The following IGFL2 variants were observed in gnomAD, a reference collection of about 807,000 sequenced individuals.
IGFL2 encodes IGF like family member 2.
IGFL2 carries 7 observed loss-of-function variants against 13.9 expected under a neutral mutation model. That is an observed-to-expected ratio of 0.51 (90% CI 0.29 to 0.95). IGFL2 has a LOEUF of 0.95. Ranked by LOEUF, IGFL2 falls within the 40% of genes least tolerant of loss-of-function variation. The probability of loss-of-function intolerance (pLI) is 0.08; values close to 1 mark genes in which losing one functional copy is unlikely to be tolerated. For synonymous variants in IGFL2, 55 were observed against 55.8 expected (o/e 0.99, Z 0.07); for missense variants, 138 against 147.8 (o/e 0.93, Z 0.34).
At chr19:46,121,416 GAA>G in the IGFL2 span, among the ~76,000 whole-genome samples, 12 of 143,060 alleles carry the variant, frequency 8.4e-5, no homozygotes, top group Non-Finnish European at 1.8e-4. Context: ...AAAAGAAGAA[GAA>G]AAGAAAATTT....
chr19:46,172,306 G>T, the IGFL2 span, among the ~76,000 whole-genome samples: 1 of 152,164 alleles, frequency 6.6e-6, no homozygotes, highest in Non-Finnish European at 1.5e-5. Context: ...CATTCTGTGG[G>T]ATGCCTCTTA....
the IGFL2 span, among the ~76,000 whole-genome samples, chr19:46,089,578 T>A: frequency 6.6e-6 from 1 of 152,020 alleles, no homozygotes; most frequent in East Asian, 1.9e-4. Flanking sequence ...CCAGCACTTG[T>A]TTGTCTGAGC....
chr19:46,117,593 G>A, the IGFL2 span, among the ~76,000 whole-genome samples: 12 of 152,030 alleles, frequency 7.9e-5, no homozygotes, highest in African/African-American at 2.7e-4. Flanking sequence ...ATCCTCCCAC[G>A]TCAGCCTCTC....
chr19:46,134,223 A>T, the IGFL2 span, among the ~76,000 whole-genome samples: 1 of 152,154 alleles, frequency 6.6e-6, no homozygotes, highest in Non-Finnish European at 1.5e-5. Context: ...GGATTCTTTA[A>T]GTAAAAGGAC....
the IGFL2 span, among the ~76,000 whole-genome samples, chr19:46,079,874 A>G: frequency 4.6e-5 from 7 of 152,146 alleles, no homozygotes; most frequent in South Asian, 2.1e-4. Flanking sequence ...TCAATTTTAG[A>G]TCACTACAAT....
chr19:46,124,076 A>G, the IGFL2 span: 1 of 1,611,520 alleles, frequency 6.2e-7, no homozygotes. Context: ...TCATAACAGC[A>G]CTGCTCTGAA....
the IGFL2 span, among the ~76,000 whole-genome samples, chr19:46,094,553 A>G: frequency 3.3e-5 from 5 of 151,056 alleles, no homozygotes; most frequent in African/African-American, 4.9e-5. Flanking sequence ...GTTCTGGGAT[A>G]CATGTTCAGG....
chr19:46,082,617 A>G, the IGFL2 span, among the ~76,000 whole-genome samples: 1 of 151,786 alleles, frequency 6.6e-6, no homozygotes, highest in Non-Finnish European at 1.5e-5. Context: ...CTGAACTGTT[A>G]ACTGTGTCTC....
At chr19:46,090,634 G>C in the IGFL2 span, among the ~76,000 whole-genome samples, 1 of 152,188 alleles carries the variant, frequency 6.6e-6, no homozygotes, top group East Asian at 1.9e-4. Context: ...CACGTTGCCC[G>C]GCTGGAATCT....
the IGFL2 span, among the ~76,000 whole-genome samples, chr19:46,119,335 T>C: frequency 6.6e-6 from 1 of 152,144 alleles, no homozygotes; most frequent in Non-Finnish European, 1.5e-5. Flanking sequence ...TGAGCTGTTC[T>C]ACCACTGCTA....
At chr19:46,090,164 C>T in the IGFL2 span, among the ~76,000 whole-genome samples, 2 of 151,732 alleles carry the variant, frequency 1.3e-5, no homozygotes, top group African/African-American at 4.8e-5. Flanking sequence ...AAATTTTGTT[C>T]ATTGTATTTT....
the IGFL2 span, among the ~76,000 whole-genome samples, chr19:46,128,774 A>T: frequency 2.2e-4 from 34 of 152,172 alleles, no homozygotes; most frequent in African/African-American, 4.3e-4. Context: ...TTTTGCATTG[A>T]TGTTCATCAA....
chr19:46,079,941 C>T, the IGFL2 span, among the ~76,000 whole-genome samples: 1 of 152,262 alleles, frequency 6.6e-6, no homozygotes, highest in African/African-American at 2.4e-5. Flanking sequence ...GAGCCCTAAA[C>T]ACAGTAGATT....
At chr19:46,176,945 G>A in the IGFL2 span, among the ~76,000 whole-genome samples, 1 of 152,212 alleles carries the variant, frequency 6.6e-6, no homozygotes. Context: ...GAGAAGAAAA[G>A]GGGAGTCCAA....
chr19:46,121,298 C>T, the IGFL2 span, among the ~76,000 whole-genome samples: 5 of 147,954 alleles, frequency 3.4e-5, no homozygotes, highest in African/African-American at 1.0e-4. Context: ...CGAGGTAGGA[C>T]GATCACTTGA....
chr19:46,081,427 C>G, the IGFL2 span, among the ~76,000 whole-genome samples: 11 of 152,288 alleles, frequency 7.2e-5, no homozygotes, highest in African/African-American at 1.9e-4. Context: ...ATTAACTGAT[C>G]TGCAGACCTT....
chr19:46,125,863 G>A, the IGFL2 span, among the ~76,000 whole-genome samples: 1 of 152,080 alleles, frequency 6.6e-6, no homozygotes, highest in Non-Finnish European at 1.5e-5. Flanking sequence ...AAATACAAAG[G>A]ACAAATAATA....
chr19:46,113,700 C>A, the IGFL2 span: 2 of 190,170 alleles, frequency 1.1e-5, no homozygotes, highest in South Asian at 1.1e-4. Flanking sequence ...TGCTTGTTAT[C>A]TGCCATGTCT....
the IGFL2 span, among the ~76,000 whole-genome samples, chr19:46,099,292 A>T: frequency 6.6e-6 from 1 of 152,010 alleles, no homozygotes; most frequent in African/African-American, 2.4e-5. Context: ...TCTGATGATT[A>T]TGTGTCTTTG....
Sources: gnomAD v4.1 joint callset for allele counts (sites outside exome capture counted in the v4.1 genomes callset) on GRCh38, gnomAD v4.1.1 for gene constraint, MANE v1.5 for transcripts, NCBI Gene and HGNC (gene_info 2026-07-23, HGNC 2026-07-21) for gene names.